CNST: variants seen among roughly 807,000 people sequenced by gnomAD.
CNST encodes consortin.
Under a neutral mutation model 72.4 loss-of-function variants are expected in CNST, and 39 were observed. That is an observed-to-expected ratio of 0.54 (90% CI 0.42 to 0.70). The LOEUF is 0.70. CNST is among the 30% of genes least tolerant of loss of function. The probability of loss-of-function intolerance (pLI) is 0.00; values close to 1 mark genes in which losing one functional copy is unlikely to be tolerated. For missense variants in CNST, 871 were observed against 868.5 expected (o/e 1.00, Z -0.04); for synonymous variants, 332 against 320.1 (o/e 1.04, Z -0.40).
At chr1:246,613,361 C>G (rs1663460133) in intron 2 of CNST, among the ~76,000 whole-genome samples, 2 of 152,044 alleles carry the variant, frequency 1.3e-5, no homozygotes, top group Admixed American at 6.5e-5. Flanking sequence ...TGCCTGCCAG[C>G]CTCAGCAAGA....
intron 2 of CNST, among the ~76,000 whole-genome samples, chr1:246,611,607 GA>G (rs201671347): frequency 6.6e-6 from 1 of 152,012 alleles, no homozygotes; most frequent in Non-Finnish European, 1.5e-5. Flanking sequence ...TTTAGAGATG[GA>G]AAAAAACCAG....
At chr1:246,608,831 G>C (rs1295030232) in intron 2 of CNST, among the ~76,000 whole-genome samples, 1 of 152,176 alleles carries the variant, frequency 6.6e-6, no homozygotes, top group African/African-American at 2.4e-5. Context: ...TCCCTGTATT[G>C]ACATTAAAAC....
intron 2 of CNST, among the ~76,000 whole-genome samples, chr1:246,605,687 TAGGTGTCTTCC>T (rs1662698131): frequency 1.4e-5 from 2 of 138,852 alleles, no homozygotes; most frequent in Non-Finnish European, 3.2e-5. Flanking sequence ...CCGGCCGGGG[TAGGTGTCTTCC>T]GGCCGGGGTA....
intron 1 of CNST, among the ~76,000 whole-genome samples, chr1:246,580,573 A>G (rs575909510): frequency 4.6e-4 from 70 of 152,332 alleles, no homozygotes; most frequent in African/African-American, 1.6e-3. Flanking sequence ...TAACTTCCAC[A>G]GTACTTTGTT....
At chr1:246,567,405 G>A (rs1005219466) in intron 1 of CNST, among the ~76,000 whole-genome samples, 7 of 151,692 alleles carry the variant, frequency 4.6e-5, no homozygotes, top group Admixed American at 3.3e-4. Context: ...CTTTGAGAGT[G>A]TTTTCCGTGT....
intron 2 of CNST, among the ~76,000 whole-genome samples, chr1:246,611,533 A>G (rs1477819724): frequency 1.3e-5 from 2 of 152,202 alleles, no homozygotes; most frequent in Non-Finnish European, 2.9e-5. Context: ...CATATTTTAG[A>G]TAAGGATGTC....
At chr1:246,642,093 C>G (rs1407039993) in intron 8 of CNST, 56 bp downstream of exon 8, 4 of 619,644 alleles carry the variant, frequency 6.5e-6, no homozygotes, top group Non-Finnish European at 1.0e-5. Context: ...CTCTTCTGAT[C>G]TTTTACAAGT....
At chr1:246,625,676 T>C (rs1664382267) in intron 3 of CNST, among the ~76,000 whole-genome samples, 2 of 152,248 alleles carry the variant, frequency 1.3e-5, no homozygotes, top group Admixed American at 1.3e-4. Flanking sequence ...CGCCTCGGCC[T>C]CCCAAAGTGC....
At chr1:246,574,308 TG>T (rs1476772353) in intron 1 of CNST, among the ~76,000 whole-genome samples, 1 of 152,230 alleles carries the variant, frequency 6.6e-6, no homozygotes, top group African/African-American at 2.4e-5. Context: ...CCCAAAGTGT[TG>T]GGATTACAGG....
chr1:246,620,670 A>C (rs543310354), intron 2 of CNST, among the ~76,000 whole-genome samples: 62 of 129,990 alleles, frequency 4.8e-4, no homozygotes, highest in African/African-American at 1.8e-3. Context: ...CATACACACG[A>C]TGGGCTCTGG....
At chr1:246,591,052 C>T (rs1018285312) in intron 1 of CNST, among the ~76,000 whole-genome samples, 11 of 151,900 alleles carry the variant, frequency 7.2e-5, no homozygotes, top group African/African-American at 2.4e-4. Context: ...AATATTGCTG[C>T]TGTTTAGCCA....
chr1:246,622,847 A>G (rs918236582), intron 3 of CNST, among the ~76,000 whole-genome samples: 1 of 152,120 alleles, frequency 6.6e-6, no homozygotes, highest in Admixed American at 6.6e-5. Flanking sequence ...ATTTAGAGAC[A>G]GAGTCTCACT....
intron 9 of CNST, among the ~76,000 whole-genome samples, chr1:246,653,678 G>T (rs1270970193): frequency 1.3e-5 from 2 of 152,156 alleles, no homozygotes; most frequent in Non-Finnish European, 1.5e-5. Flanking sequence ...ATTAATTAAT[G>T]CTTCTCTTGA....
chr1:246,583,285 G>C (rs1660916031), intron 1 of CNST, among the ~76,000 whole-genome samples: 1 of 151,998 alleles, frequency 6.6e-6, no homozygotes, highest in South Asian at 2.1e-4. Flanking sequence ...TTGTATCTTT[G>C]ATTTTCTGTA....
chr1:246,585,641 CAAAA>C (rs543693321), intron 1 of CNST, among the ~76,000 whole-genome samples: 428 of 42,780 alleles, frequency 0.01, 7 homozygotes, highest in African/African-American at 0.028. Flanking sequence ...GACTCTGTCT[CAAAA>C]AAAAAAAAAA....
intron 2 of CNST, among the ~76,000 whole-genome samples, chr1:246,596,988 C>G (rs959832409): frequency 1.3e-5 from 2 of 152,094 alleles, no homozygotes; most frequent in Non-Finnish European, 2.9e-5. Context: ...TGGGTTCTTT[C>G]CACTTTTTGA....
intron 2 of CNST, among the ~76,000 whole-genome samples, chr1:246,602,313 CAG>C (rs1490930713): frequency 6.6e-6 from 1 of 152,166 alleles, no homozygotes; most frequent in Non-Finnish European, 1.5e-5. Flanking sequence ...TTTTGTGGGT[CAG>C]AATCTGTGTG....
intron 1 of CNST, among the ~76,000 whole-genome samples, chr1:246,574,190 C>T (rs1480797196): frequency 2.0e-5 from 3 of 152,032 alleles, no homozygotes; most frequent in South Asian, 2.1e-4. Flanking sequence ...TACAGGCACC[C>T]GCCACCGCGC....
Position 246,666,112 on chromosome 1 carries a change from A to G in CNST, c.*207A>G. ...GCAAATATCAATCTAAGCATTGTGGATGGAAGGAATGGTCTTTGGAGAGAG... is the reference window on the plus strand; with the variant it reads ...GCAAATATCAATCTAAGCATTGTGGGTGGAAGGAATGGTCTTTGGAGAGAG... On this transcript the variant is annotated 3_prime_UTR_variant, in exon 11 of 11. Transcript: ENST00000366513. The G allele has an allele frequency of 3.6e-6, 2 of 551,348 alleles. No homozygotes were observed. Among genetic ancestry groups the G allele is most frequent in the Non-Finnish European group, 6.5e-6 (2 of 308,430 alleles). The allele number at this position is 551,348 out of a possible 1,614,324, so 34.2% of individuals were successfully genotyped here. A position where few individuals can be genotyped will look rare whatever the true frequency, so the allele number is the denominator to read the frequency against.
Sources: gnomAD v4.1 joint callset for allele counts (sites outside exome capture counted in the v4.1 genomes callset) on GRCh38, gnomAD v4.1.1 for gene constraint, MANE v1.5 for transcripts, NCBI Gene and HGNC (gene_info 2026-07-23, HGNC 2026-07-21) for gene names.